Variants in HS3ST5 observed in about 807,000 individuals in gnomAD.
HS3ST5 encodes heparan sulfate-glucosamine 3-sulfotransferase 5.
A neutral mutation model predicts 25.4 loss-of-function variants in HS3ST5; 10 were observed. The observed-to-expected ratio is 0.39, with a 90% CI of 0.24 to 0.67. The LOEUF is 0.67. Among genes scored for constraint, HS3ST5 ranks in the 30% least tolerant of loss-of-function variants. HS3ST5 has a pLI of 0.44. For synonymous variants in HS3ST5, 170 were observed against 162.4 expected (o/e 1.05, Z -0.36); for missense variants, 324 against 420.7 (o/e 0.77, Z 2.01).
intron 1 of HS3ST5, among the ~76,000 whole-genome samples, chr6:114,339,466 A>G (rs1406023427): frequency 6.6e-6 from 1 of 152,180 alleles, no homozygotes; most frequent in African/African-American, 2.4e-5. Flanking sequence ...ATTTATATAT[A>G]ATTGCTTTTT....
chr6:114,100,741 T>A (rs1163655314), intron 3 of HS3ST5, among the ~76,000 whole-genome samples: 2 of 152,180 alleles, frequency 1.3e-5, no homozygotes, highest in Non-Finnish European at 2.9e-5. Flanking sequence ...TGACAGTTGT[T>A]CTAAGGGGGT....
chr6:114,094,521 G>T (rs181920339), intron 3 of HS3ST5, among the ~76,000 whole-genome samples: 46 of 152,250 alleles, frequency 3.0e-4, no homozygotes, highest in Admixed American at 8.5e-4. Flanking sequence ...AAAGAATGGA[G>T]TTATTCCTTT....
chr6:114,282,484 T>C (rs565170771), intron 1 of HS3ST5, among the ~76,000 whole-genome samples: 1 of 152,138 alleles, frequency 6.6e-6, no homozygotes, highest in South Asian at 2.1e-4. Context: ...TATTAGGCCA[T>C]GTCCAATTTT....
chr6:114,274,642 G>A (rs748372761), intron 1 of HS3ST5, among the ~76,000 whole-genome samples: 71 of 152,182 alleles, frequency 4.7e-4, no homozygotes, highest in Middle Eastern at 3.4e-3. Flanking sequence ...GGAGCCATAT[G>A]GAAAGACAAG....
intron 1 of HS3ST5, among the ~76,000 whole-genome samples, chr6:114,289,513 C>G (rs1003794562): frequency 1.9e-4 from 29 of 152,174 alleles, no homozygotes; most frequent in African/African-American, 7.0e-4. Flanking sequence ...AATTAATTCA[C>G]CAAATATTCT....
chr6:114,223,403 G>A (rs946607561), intron 2 of HS3ST5, among the ~76,000 whole-genome samples: 1 of 151,778 alleles, frequency 6.6e-6, no homozygotes, highest in South Asian at 2.1e-4. Flanking sequence ...TTTGAAGAAT[G>A]TGTTACCTGG....
At chr6:114,106,121 T>C (rs1775981558) in intron 3 of HS3ST5, among the ~76,000 whole-genome samples, 1 of 152,070 alleles carries the variant, frequency 6.6e-6, no homozygotes, top group African/African-American at 2.4e-5. Context: ...GTAATTAAGC[T>C]AAGGAGGTAA....
intron 1 of HS3ST5, among the ~76,000 whole-genome samples, chr6:114,308,692 T>A (rs189528774): frequency 2.2e-3 from 336 of 152,224 alleles, no homozygotes; most frequent in Non-Finnish European, 4.0e-3. Flanking sequence ...CTGTAGCTCA[T>A]GAAATGCCTC....
intron 1 of HS3ST5, among the ~76,000 whole-genome samples, chr6:114,243,560 CT>C (rs1772241076): frequency 6.6e-6 from 1 of 152,180 alleles, no homozygotes; most frequent in South Asian, 2.1e-4. Flanking sequence ...CAGCACAGTT[CT>C]TAATTTTCCA....
intron 1 of HS3ST5, among the ~76,000 whole-genome samples, chr6:114,256,214 T>C (rs180885738): frequency 2.3e-3 from 347 of 151,928 alleles, no homozygotes; most frequent in African/African-American, 7.0e-3. Context: ...CAGTGAAACC[T>C]CGTCTCTACT....
At chr6:114,248,604 C>T (rs1468565296) in intron 1 of HS3ST5, among the ~76,000 whole-genome samples, 4 of 152,102 alleles carry the variant, frequency 2.6e-5, no homozygotes, top group South Asian at 2.1e-4. Flanking sequence ...ATGGTTCTGC[C>T]GTTCATTCAT....
intron 4 of HS3ST5, among the ~76,000 whole-genome samples, chr6:114,062,106 A>G (rs1773150951): frequency 6.6e-6 from 1 of 152,050 alleles, no homozygotes; most frequent in South Asian, 2.1e-4. Context: ...ATACCTCTCA[A>G]CTGTACACCT....
chr6:114,150,036 TA>T (rs911156780), intron 3 of HS3ST5, among the ~76,000 whole-genome samples: 19 of 152,326 alleles, frequency 1.2e-4, no homozygotes, highest in African/African-American at 4.1e-4. Context: ...TACTTTTGGC[TA>T]GTGTTAATTT....
At chr6:114,148,346 C>T (rs975029983) in intron 3 of HS3ST5, among the ~76,000 whole-genome samples, 2 of 152,162 alleles carry the variant, frequency 1.3e-5, no homozygotes, top group Non-Finnish European at 2.9e-5. Context: ...AGGCCAGGCA[C>T]AGTGGCTTAT....
rs1192227892 is a variant in HS3ST5 at position 114,062,868 on chromosome 6, C to A, written c.-23G>T. 3 of 1,570,438 alleles carry A rather than the reference C, an allele frequency of 1.9e-6. No homozygotes were observed. The highest frequency in any genetic ancestry group is 1.4e-5 in the African/African-American group (1 of 74,038). ...CATGGCCCTCCATCAACCTTCAGGACTGCTGCAGCCTGCGATAGAAGGACT... is the reference window on the plus strand; with the variant it reads ...CATGGCCCTCCATCAACCTTCAGGAATGCTGCAGCCTGCGATAGAAGGACT... On this transcript the variant is annotated 5_prime_UTR_variant, in exon 4 of 5. Transcript: ENST00000312719.
intron 2 of HS3ST5, among the ~76,000 whole-genome samples, chr6:114,225,045 G>C (rs1782228039): frequency 6.6e-6 from 1 of 151,680 alleles, no homozygotes; most frequent in Non-Finnish European, 1.5e-5. Context: ...ACCTTGAAGG[G>C]CAGTTGGGCA....
chr6:114,096,379 A>C lies in HS3ST5; in HGVS notation c.-32-33502T>G, dbSNP rs1296597742. ...CATGCCTCTTTACTGCAATAACATT[A>C]AAATAACATCTATTTGGGTAAGTGT... is the stretch of plus-strand genomic sequence containing the variant. On this transcript the variant is annotated intron_variant, in intron 3 of 4. Transcript: ENST00000312719. Among the ~76,000 whole-genome samples the C allele has an allele frequency of 2.0e-5, 3 of 152,314 alleles. No homozygotes were observed. The East Asian group carries it at 5.8e-4, about 29-fold the overall frequency.
intron 1 of HS3ST5, among the ~76,000 whole-genome samples, chr6:114,273,421 G>A (rs564361598): frequency 3.0e-4 from 46 of 152,106 alleles, no homozygotes; most frequent in Admixed American, 1.4e-3. Flanking sequence ...AGCCTGGAGC[G>A]CTAGGGTGAG....
chr6:114,216,859 C>G (rs1424825108), intron 2 of HS3ST5, among the ~76,000 whole-genome samples: 1 of 151,728 alleles, frequency 6.6e-6, no homozygotes, highest in Non-Finnish European at 1.5e-5. Context: ...TAGGTTAAAG[C>G]TCTCTCAGGG....
Sources: allele counts gnomAD v4.1 joint callset (sites outside exome capture counted in the v4.1 genomes callset), GRCh38; gene constraint gnomAD v4.1.1; transcripts MANE v1.5; gene names NCBI Gene and HGNC (gene_info 2026-07-23, HGNC 2026-07-21).